The following CSMD1 variants were observed in gnomAD, a reference collection of about 807,000 sequenced individuals.
CSMD1 encodes CUB and sushi domain-containing protein 1.
CSMD1 carries 213 observed loss-of-function variants against 417.5 expected under a neutral mutation model. That is an observed-to-expected ratio of 0.51 (90% confidence interval 0.46 to 0.57). The LOEUF (loss-of-function observed/expected upper bound fraction) is 0.57, where lower values mean the gene tolerates loss of function less well. Among genes scored for constraint, CSMD1 ranks in the 20% least tolerant of loss-of-function variants. CSMD1 has a pLI of 0.00. For synonymous variants in CSMD1, 2,862 were observed against 1,736.8 expected, an observed-to-expected ratio of 1.65 and a Z score of -16.11; for missense variants, 6,923 against 4,529.7, an observed-to-expected ratio of 1.53 and a Z score of -15.17.
intron 3 of CSMD1, among the ~76,000 whole-genome samples, chr8:4,371,155 C>A (rs539075776): frequency 1.3e-5 from 2 of 152,196 alleles, no homozygotes; most frequent in East Asian, 1.9e-4. Flanking sequence ...TTGGGTATAG[C>A]TGAATGACTT....
At chr8:4,403,540 G>T (rs1462929626) in intron 3 of CSMD1, among the ~76,000 whole-genome samples, 2 of 151,986 alleles carry the variant, frequency 1.3e-5, no homozygotes, top group African/African-American at 2.4e-5. Flanking sequence ...CATTCGCCAG[G>T]GCTGATCACC....
intron 50 of CSMD1, among the ~76,000 whole-genome samples, chr8:3,038,602 G>T (rs746784371): frequency 6.6e-5 from 10 of 151,536 alleles, no homozygotes; most frequent in Non-Finnish European, 1.5e-4. Context: ...CCTGCTTTTC[G>T]AGGTCATGGT....
intron 14 of CSMD1, among the ~76,000 whole-genome samples, chr8:3,407,047 A>ATGGC (rs199709954): frequency 1.7e-3 from 259 of 152,256 alleles, no homozygotes; most frequent in African/African-American, 5.4e-3. Context: ...GAAAGGAAGA[A>ATGGC]TGGCTGGCTG....
intron 5 of CSMD1, among the ~76,000 whole-genome samples, chr8:3,843,629 G>A (rs531005031): frequency 3.9e-5 from 6 of 152,144 alleles, no homozygotes; most frequent in Non-Finnish European, 5.9e-5. Flanking sequence ...ATTTGTTATA[G>A]GATACCATGG....
At chr8:3,946,885 A>C (rs2129826195) in intron 5 of CSMD1, among the ~76,000 whole-genome samples, 1 of 152,302 alleles carries the variant, frequency 6.6e-6, no homozygotes, top group East Asian at 1.9e-4. Context: ...ATCGATTTAT[A>C]TTGTGATCTC....
chr8:4,875,263 T>A (rs1046732018), intron 1 of CSMD1, among the ~76,000 whole-genome samples: 2 of 152,002 alleles, frequency 1.3e-5, no homozygotes, highest in Non-Finnish European at 2.9e-5. Context: ...TATACCCAAG[T>A]CCTCTGGTAA....
chr8:4,259,090 G>A (rs928934663), intron 3 of CSMD1, among the ~76,000 whole-genome samples: 5 of 152,100 alleles, frequency 3.3e-5, no homozygotes, highest in Non-Finnish European at 5.9e-5. Flanking sequence ...TTTTGATGTA[G>A]CATTTACCTC....
At chr8:3,033,589 G>C (rs1249528362) in intron 50 of CSMD1, among the ~76,000 whole-genome samples, 1 of 151,970 alleles carries the variant, frequency 6.6e-6, no homozygotes, top group African/African-American at 2.4e-5. Flanking sequence ...TCACACACCA[G>C]GGCCTGTCGG....
intron 3 of CSMD1, among the ~76,000 whole-genome samples, chr8:4,385,958 G>C (rs1244902488): frequency 6.6e-6 from 1 of 152,226 alleles, no homozygotes; most frequent in South Asian, 2.1e-4. Flanking sequence ...ACCCAACCCA[G>C]AGCATCAGCA....
Position 3,917,293 on chromosome 8 carries a change from T to A in CSMD1, c.818+80610A>T, listed in dbSNP as rs117376515. On this transcript the variant is annotated intron_variant, in intron 5 of 69. Transcript: ENST00000635120. ...ACGAACTGAAGTTCCTGAAATTAGG[T>A]GATGCGTTGGGAGTAGCAGACTCAG... is the stretch of plus-strand genomic sequence containing the variant. Among the ~76,000 whole-genome samples the A allele has an allele frequency of 8.7e-3, 1,321 of 152,190 alleles. 4 individuals carry two copies. The highest frequency in any genetic ancestry group is 0.013 in the Non-Finnish European group (873 of 67,998).
At chr8:4,106,208 T>A (rs1012007691) in intron 3 of CSMD1, among the ~76,000 whole-genome samples, 1 of 152,128 alleles carries the variant, frequency 6.6e-6, no homozygotes, top group African/African-American at 2.4e-5. Flanking sequence ...ATGAGAGGAA[T>A]CCAGCATTGG....
At chr8:4,046,623 T>C (rs558468851) in intron 3 of CSMD1, among the ~76,000 whole-genome samples, 2 of 152,020 alleles carry the variant, frequency 1.3e-5, no homozygotes, top group African/African-American at 4.8e-5. Context: ...TCTTGATAAT[T>C]CCATCATAAC....
At chr8:4,351,437 TTAAAA>T (rs1801086661) in intron 3 of CSMD1, among the ~76,000 whole-genome samples, 1 of 152,252 alleles carries the variant, frequency 6.6e-6, no homozygotes, top group Non-Finnish European at 1.5e-5. Flanking sequence ...GAAGAGTTAC[TTAAAA>T]TAATGTCTAA....
intron 3 of CSMD1, among the ~76,000 whole-genome samples, chr8:4,090,246 C>T (rs773963724): frequency 7.2e-5 from 11 of 152,114 alleles, no homozygotes; most frequent in African/African-American, 9.7e-5. Context: ...GAAGTTATCA[C>T]GTAAGCCCTG....
intron 1 of CSMD1, among the ~76,000 whole-genome samples, chr8:4,872,396 T>A (rs969408515): frequency 2.6e-5 from 4 of 152,060 alleles, no homozygotes; most frequent in African/African-American, 9.7e-5. Flanking sequence ...GTTTCCCTGA[T>A]GCTGCTCTCA....
chr8:3,060,607 A>G (rs1812531950), intron 49 of CSMD1, among the ~76,000 whole-genome samples: 1 of 152,248 alleles, frequency 6.6e-6, no homozygotes, highest in African/African-American at 2.4e-5. Flanking sequence ...ATTTGATTTC[A>G]GAGACTTAAA....
At chr8:4,697,134 T>C (rs973150334) in intron 1 of CSMD1, among the ~76,000 whole-genome samples, 11 of 152,214 alleles carry the variant, frequency 7.2e-5, no homozygotes, top group African/African-American at 2.6e-4. Flanking sequence ...ATCGCGCCAC[T>C]GCACTACAGC....
chr8:4,946,439 T>C (rs574155652), intron 1 of CSMD1, among the ~76,000 whole-genome samples: 10 of 152,252 alleles, frequency 6.6e-5, no homozygotes, highest in East Asian at 1.9e-4. Context: ...GACCGTGTGT[T>C]GAGTGACAGG....
intron 3 of CSMD1, among the ~76,000 whole-genome samples, chr8:4,395,354 A>G (rs35025446): frequency 0.087 from 13,307 of 152,218 alleles, 733 homozygotes; most frequent in African/African-American, 0.15. Flanking sequence ...TGTTTGCATT[A>G]AGACTAGGGG....
Sources: allele counts gnomAD v4.1 joint callset (sites outside exome capture counted in the v4.1 genomes callset), GRCh38; gene constraint gnomAD v4.1.1; transcripts MANE v1.5; gene names NCBI Gene and HGNC (gene_info 2026-07-23, HGNC 2026-07-21).